THOP1: variants seen among roughly 807,000 people sequenced by gnomAD.
THOP1 encodes the protein thimet oligopeptidase.
In THOP1, 49 loss-of-function variants were observed where a neutral mutation model predicts 71.8. That is an observed-to-expected ratio of 0.68 (90% CI 0.54 to 0.87). The LOEUF (loss-of-function observed/expected upper bound fraction) is 0.87, where lower values mean the gene tolerates loss of function less well. Ranked by LOEUF, THOP1 falls within the 40% of genes least tolerant of loss-of-function variation. The pLI, the probability that THOP1 is intolerant of heterozygous loss-of-function variation, is 0.00. For synonymous variants in THOP1, 426 were observed against 421.5 expected (o/e 1.01, Z -0.13); for missense variants, 843 against 975.6 (o/e 0.86, Z 1.81).
chr19:2,801,431 G>A lies in THOP1; in HGVS notation c.589+1640G>A, dbSNP rs1373328439. Among the ~76,000 whole-genome samples the A allele has an allele frequency of 6.6e-6, 1 of 152,108 alleles. No homozygotes were observed. Among genetic ancestry groups the A allele is most frequent in the African/African-American group, 2.4e-5 (1 of 41,388 alleles). On this transcript the variant is annotated intron_variant, in intron 5 of 12. Transcript: ENST00000307741. This position sits in a 1 kb window ranked among gnomAD's most constrained non-coding sequence, Gnocchi z 5.1. ...CCGTTCCATTTGTCGGGCCTGAGGG[G>A]TCTCCCGTGCAGGTGGCTTGAGTCC...
chr19:2,799,857 C>A, intron 5 of THOP1, 66 bp downstream of exon 5: 1 of 1,433,252 alleles, frequency 7.0e-7, no homozygotes, highest in African/African-American at 1.4e-5. Context: ...CCTGCCAGGC[C>A]CTCGGGGGCC....
At position 2,813,459 on chromosome 19, in the gene THOP1, G is replaced by A. The variant is rs532015117; in HGVS notation, c.*183G>A. The A allele has an allele frequency of 9.2e-5, 67 of 730,034 alleles. No homozygotes were observed. The highest frequency in any genetic ancestry group is 1.5e-4 in the Admixed American group (5 of 33,448). 45.2% of individuals were successfully genotyped at this position (730,034 alleles called of 1,614,324 possible). A position where few individuals can be genotyped will look rare whatever the true frequency, so the allele number is the denominator to read the frequency against. ...CGTGGCCCACCCGGCTAGAGACGGC[G>A]TCCTCAAGGCATCTGGAGGGCTTTC... On this transcript the variant is annotated 3_prime_UTR_variant, in exon 13 of 13. Coordinates refer to ENST00000307741, the MANE Select transcript of THOP1 (RefSeq NM_003249.5).
At chr19:2,802,971 C>T (rs189826986) in intron 5 of THOP1, among the ~76,000 whole-genome samples, 348 of 152,382 alleles carry the variant, frequency 2.3e-3, no homozygotes, top group Non-Finnish European at 4.4e-3. Context: ...TCCTCTGAAC[C>T]TGCTCTTACT....
Position 2,813,159 on chromosome 19 carries a change from C to T in THOP1, c.1953C>T (p.Ser651=), listed in dbSNP as rs377043099. The T allele has an allele frequency of 9.3e-6, 15 of 1,611,872 alleles. No homozygotes were observed. The highest frequency in any genetic ancestry group is 5.3e-5 in the African/African-American group (4 of 74,878). The change falls in exon 13 of 13, where the codon TCC becomes TCT. Residue 651 remains serine (S), a synonymous_variant. Transcript: ENST00000307741. The part of the protein sequence containing the change: ...YRSCILRPGG[S]EDASAMLRRF... ...GCTGCATCCTGAGACCCGGCGGTTC[C>T]GAGGATGCCAGCGCCATGCTGAGGC...
chr19:2,812,444 G>A, intron 12 of THOP1: 1 of 1,392,066 alleles, frequency 7.2e-7, no homozygotes, highest in Non-Finnish European at 9.3e-7. Flanking sequence ...ACCTGGGGGA[G>A]CAATGGTCCG....
At chr19:2,787,392 C>T (rs1324172051) in intron 1 of THOP1, among the ~76,000 whole-genome samples, 1 of 152,174 alleles carries the variant, frequency 6.6e-6, no homozygotes, top group Admixed American at 6.5e-5. Context: ...CTACTGGATC[C>T]TTGGCACAAT....
rs1916005755 is a variant in THOP1 at position 2,796,061 on chromosome 19, C to T, written c.379-20C>T. On this transcript the variant is annotated intron_variant, in intron 3 of 12. Transcript: ENST00000307741. ...GCTGCACTGGCCCACGTCCTACATG[C>T]TTTGATGTTTTTATTCCAGGAGAAA... 1 of 1,603,806 alleles carries T rather than the reference C, an allele frequency of 6.2e-7. No individual in the cohort carries two copies.
At chr19:2,794,381 A>G (rs1374692543) in intron 2 of THOP1, among the ~76,000 whole-genome samples, 3 of 152,198 alleles carry the variant, frequency 2.0e-5, no homozygotes, top group Admixed American at 1.3e-4. Flanking sequence ...GTGCTCAGGA[A>G]ATTGTAAGTA....
intron 9 of THOP1, 31 bp downstream of exon 9, chr19:2,808,475 AG>A: frequency 6.5e-7 from 1 of 1,540,736 alleles, no homozygotes; most frequent in East Asian, 2.4e-5. Flanking sequence ...GGGCAGGGGC[AG>A]GGGCAGGGGC....
In THOP1 at chr19:2,805,930, CGG is replaced by C. The variant is rs1474382290; in HGVS notation, c.750+759_750+760del. The C allele has an allele frequency of 2.2e-4, 6 of 27,372 alleles. No individual in the cohort carries two copies. The highest frequency in any genetic ancestry group is 3.1e-4 in the Non-Finnish European group (5 of 16,228). The allele number at this position is 27,372 out of a possible 1,614,324, so 1.7% of individuals were successfully genotyped here. ...GGGGACGGGCGGGTGCCCATCACTGCGGGGGGACGGGCGGGTGCCCATCACTG... is the reference window on the plus strand; with the variant it reads ...GGGGACGGGCGGGTGCCCATCACTGCGGGGACGGGCGGGTGCCCATCACTG... On this transcript the variant is annotated intron_variant, in intron 6 of 12. Transcript: ENST00000307741. The surrounding 1 kb of genome is among the most constrained non-coding windows in gnomAD (Gnocchi z 6.6).
intron 2 of THOP1, among the ~76,000 whole-genome samples, chr19:2,791,950 G>A (rs1156667408): frequency 6.6e-6 from 1 of 152,254 alleles, no homozygotes; most frequent in African/African-American, 2.4e-5. Context: ...CCCCAGCCAG[G>A]GCCTCTCCAG....
At position 2,815,594 on chromosome 19, in the gene THOP1, A is replaced by G. The variant is rs1250299315; in HGVS notation, c.*2318A>G. ...CCCGGGTTTCCCCAAACACTCCAGG[A>G]CAGAGCGGGGGCTTTGATCACAGGG... On this transcript the variant is annotated 3_prime_UTR_variant, in exon 13 of 13. Coordinates refer to ENST00000307741, the MANE Select transcript of THOP1 (RefSeq NM_003249.5). The G allele has an allele frequency of 6.6e-6, 1 of 152,616 alleles. No individual in the cohort carries two copies. Among genetic ancestry groups the G allele is most frequent in the Non-Finnish European group, 1.5e-5 (1 of 68,394 alleles). The allele number at this position is 152,616 out of a possible 1,614,324, so 9.5% of individuals were successfully genotyped here.
intron 11 of THOP1, 128 bp downstream of exon 11, chr19:2,810,896 C>T (rs1011724386): frequency 1.2e-5 from 17 of 1,394,460 alleles, no homozygotes; most frequent in Middle Eastern, 2.0e-4. Context: ...AGCCACGGAG[C>T]GCGTCCCAGG....
chr19:2,790,280 T>C (rs1290689048), intron 1 of THOP1, 141 bp from the exon 2 acceptor site: 1 of 741,092 alleles, frequency 1.3e-6, no homozygotes, highest in African/African-American at 1.8e-5. Context: ...CTGGTCAGTC[T>C]GTGCTTCCCT....
chr19:2,799,568 C>A (rs975350030), intron 4 of THOP1, 121 bp from the exon 5 acceptor site: 4 of 778,056 alleles, frequency 5.1e-6, no homozygotes, highest in Non-Finnish European at 8.5e-6. Flanking sequence ...GTTGCCTCTT[C>A]TTTCGGCCTG....
chr19:2,808,050 G>C lies in THOP1; in HGVS notation c.1254-193G>C. The C allele has an allele frequency of 5.2e-6, 4 of 770,438 alleles. No individual in the cohort carries two copies. In the South Asian group the frequency reaches 5.9e-5, roughly 11 times the overall value. 47.7% of individuals were successfully genotyped at this position (770,438 alleles called of 1,614,324 possible). A position where few individuals can be genotyped will look rare whatever the true frequency, so the allele number is the denominator to read the frequency against. ...GCCCAGGCCGGAGTCCTTTAGGGGA[G>C]GGATGGCAGCCGGGGCCTGGCCGTG... On this transcript the variant is annotated intron_variant, in intron 8 of 12. Coordinates refer to ENST00000307741, the MANE Select transcript of THOP1 (RefSeq NM_003249.5).
chr19:2,810,360 G>A lies in THOP1; in HGVS notation c.1512G>A (p.Pro504=), dbSNP rs780216810. ...THVERDFVEA[P]SQMLENWVWE... ...TGGAGCGGGACTTTGTGGAGGCGCC[G>A]TCGCAGATGCTGGAGAACTGGGTGT... is the stretch of plus-strand genomic sequence containing the variant. The change falls in exon 10 of 13, where the codon CCG becomes CCA. Residue 504 remains proline, a synonymous_variant. Transcript: ENST00000307741. The A allele has an allele frequency of 9.9e-6, 16 of 1,611,616 alleles. No individual in the cohort carries two copies. Among genetic ancestry groups the A allele is most frequent in the East Asian group, 2.2e-5 (1 of 44,892 alleles).
At position 2,785,543 on chromosome 19, in the gene THOP1, C is replaced by G. The variant is rs1000478121; in HGVS notation, c.-120C>G. On this transcript the variant is annotated 5_prime_UTR_variant, in exon 1 of 13. It introduces an in-frame stop codon into an upstream open reading frame of the 5' UTR. Transcript: ENST00000307741. ...CGCGGGCGGCGGGCCCCTTGGTCCT[C>G]AGGCGGCCGTGGCGGCGGTGGCGGC... is the stretch of plus-strand genomic sequence containing the variant. 2.4e-6 allele frequency: 3 copies of G among 1,252,718 alleles called. No individual in the cohort carries two copies. Among genetic ancestry groups the G allele is most frequent in the Non-Finnish European group, 3.2e-6 (3 of 949,540 alleles). The allele number at this position is 1,252,718 out of a possible 1,614,324, so 77.6% of individuals were successfully genotyped here. A position where few individuals can be genotyped will look rare whatever the true frequency, so the allele number is the denominator to read the frequency against.
In THOP1 at chr19:2,810,476, G is replaced by A. The variant is rs763997610; in HGVS notation, c.1628G>A (p.Arg543Gln). Residue 543 changes from arginine (R) to glutamine (Q), a missense_variant, in exon 10 of 13, where the codon CGG (arginine) becomes CAG (glutamine). By Grantham distance (43) the Arg-to-Gln change is conservative. Coordinates refer to ENST00000307741, the MANE Select transcript of THOP1 (RefSeq NM_003249.5). ...CTCCTGGAGAAGCTCATTGAGTCCC[G>A]GCAGGCCAACACAGGTGCACCCGCC... ...RELLEKLIES[R>Q]QANTGLFNLR... 9 of 1,561,604 alleles carry A rather than the reference G, an allele frequency of 5.8e-6. No homozygotes were observed. The East Asian group carries it at 9.3e-5, about 16-fold the overall frequency.
Sources: gnomAD v4.1 joint callset for allele counts (sites outside exome capture counted in the v4.1 genomes callset) on GRCh38, gnomAD v4.1.1 for gene constraint, Gnocchi (gnomAD v3.1) non-coding constraint, MANE v1.5 for transcripts, NCBI Gene and HGNC (gene_info 2026-07-23, HGNC 2026-07-21) for gene names.